Variants in NRN1 observed in about 807,000 individuals in gnomAD.
NRN1 encodes neuritin 1, also known as neuritin.
Under a neutral mutation model 15.0 loss-of-function variants are expected in NRN1, and 4 were observed. The ratio of observed to expected loss-of-function variants is 0.27; its 90% confidence interval spans 0.13 to 0.61. NRN1 has a LOEUF of 0.61. Ranked by LOEUF, NRN1 falls within the 20% of genes least tolerant of loss-of-function variation. The probability of loss-of-function intolerance (pLI) is 0.87; values close to 1 mark genes in which losing one functional copy is unlikely to be tolerated. For missense variants in NRN1, 134 were observed against 181.9 expected, an observed-to-expected ratio of 0.74 and a Z score of 1.51; for synonymous variants, 85 against 79.8, an observed-to-expected ratio of 1.07 and a Z score of -0.35.
At chr6:6,006,582 C>T (rs1358577651) in intron 1 of NRN1, 113 bp downstream of exon 1, 7 of 944,744 alleles carry the variant, frequency 7.4e-6, no homozygotes, top group Admixed American at 5.5e-5. Flanking sequence ...GGGGGATTGC[C>T]GGCTTCTCCG....
intron 2 of NRN1, 47 bp from the exon 3 acceptor site, chr6:5,999,251 G>A (rs777852344): frequency 2.0e-6 from 3 of 1,523,280 alleles, no homozygotes; most frequent in South Asian, 1.1e-5. Context: ...CACTTGGGAC[G>A]CCGGGAACAC....
At chr6:6,001,942 C>T (rs1401413196) in intron 2 of NRN1, among the ~76,000 whole-genome samples, 1 of 152,246 alleles carries the variant, frequency 6.6e-6, no homozygotes, top group South Asian at 2.1e-4. Flanking sequence ...GAACACCTGG[C>T]AGGTCACTCG....
upstream of NRN1, chr6:6,007,515 C>T (rs1302758096): frequency 4.6e-5 from 7 of 153,310 alleles, no homozygotes; most frequent in African/African-American, 1.4e-4. Context: ...AGCAGCTGAG[C>T]TCTGGGCGCA....
At chr6:6,006,198 GGGGGGAGGA>G (rs1349716094) in intron 1 of NRN1, among the ~76,000 whole-genome samples, 1 of 152,196 alleles carries the variant, frequency 6.6e-6, no homozygotes, top group African/African-American at 2.4e-5. Flanking sequence ...CTAGGATATA[GGGGGGAGGA>G]GGGGCGGGAG....
rs1213666232 is a variant in NRN1 at position 6,005,383 on chromosome 6, A to AT, written c.55+1311dup. Among the ~76,000 whole-genome samples the AT allele has an allele frequency of 1.3e-5, 2 of 152,308 alleles. 1 individual carries two copies. Among genetic ancestry groups the AT allele is most frequent in the African/African-American group, 4.8e-5 (2 of 41,572 alleles). On this transcript the variant is annotated intron_variant, in intron 1 of 2. Transcript: ENST00000244766. The stretch of plus-strand genomic sequence containing the variant: ...AAACAACCAGATTTAAAGCATTGTC[A>AT]TTTTTTGGAACTAAAGGAAAACACC...
chr6:6,002,914 T>C (rs1467559366), intron 1 of NRN1: 5 of 386,056 alleles, frequency 1.3e-5, no homozygotes, highest in East Asian at 7.8e-5. Context: ...GCTCTCGCAA[T>C]GCGATCTTCC....
intron 2 of NRN1, among the ~76,000 whole-genome samples, chr6:6,000,433 C>T (rs1161503773): frequency 6.6e-6 from 1 of 152,198 alleles, no homozygotes; most frequent in East Asian, 1.9e-4. Context: ...TCTGTAACTC[C>T]GGGCTGGTCC....
chr6:6,003,827 G>C, intron 1 of NRN1: 1 of 1,233,680 alleles, frequency 8.1e-7, no homozygotes, highest in Non-Finnish European at 1.0e-6. Flanking sequence ...GAAGCACAGC[G>C]TTAGGGCGGG....
At chr6:6,003,928 G>A in intron 1 of NRN1, 1 of 1,228,700 alleles carries the variant, frequency 8.1e-7, no homozygotes, top group South Asian at 4.3e-5. Context: ...TGGCGGCTGC[G>A]CTTGTGTGTG....
At chr6:6,002,585 G>C (rs1757983828) in intron 1 of NRN1, 88 bp from the exon 2 acceptor site, 2 of 1,523,014 alleles carry the variant, frequency 1.3e-6, no homozygotes, top group Non-Finnish European at 1.8e-6. Flanking sequence ...GGCTCCGCGC[G>C]GCCTCATCGC....
chr6:6,005,207 T>G (rs1758075832), intron 1 of NRN1, among the ~76,000 whole-genome samples: 1 of 152,168 alleles, frequency 6.6e-6, no homozygotes. Flanking sequence ...CGATTAAAAT[T>G]TCTATCTCAA....
In NRN1 at chr6:5,998,675, A is replaced by G. The variant is rs2151030293; in HGVS notation, c.*301T>C. ...TCTTTTGCCAACAAAAAAAATTAATAATAATAAAATTAAAAAATGGGGTGG... is the reference window on the plus strand; with the variant it reads ...TCTTTTGCCAACAAAAAAAATTAATGATAATAAAATTAAAAAATGGGGTGG... On this transcript the variant is annotated 3_prime_UTR_variant, in exon 3 of 3. Coordinates refer to ENST00000244766, the MANE Select transcript of NRN1 (RefSeq NM_016588.3). 4.2e-6 allele frequency: 1 copy of G among 235,626 alleles called. No homozygotes were observed. The highest frequency in any genetic ancestry group is 1.1e-4 in the South Asian group (1 of 8,902). The allele number at this position is 235,626 out of a possible 1,614,324, so 14.6% of individuals were successfully genotyped here.
rs1554145373 is a variant in NRN1, at chr6:6,000,748, T to TTTTTTTTTTTTTTA, written c.201-1545_201-1544insTAAAAAAAAAAAAA. ...TTTTTTTTTTTTTTTTTTTTTTTTT[T>TTTTTTTTTTTTTTA]ATGTACGCCCAGATGAGGGCAGAGT... On this transcript the variant is annotated intron_variant, in intron 2 of 2. Coordinates refer to ENST00000244766, the MANE Select transcript of NRN1 (RefSeq NM_016588.3). 7.3e-3 allele frequency among the ~76,000 whole-genome samples: 724 copies of TTTTTTTTTTTTTTA among 99,094 alleles called. 110 individuals are homozygous for TTTTTTTTTTTTTTA. Among genetic ancestry groups the TTTTTTTTTTTTTTA allele is most frequent in the Middle Eastern group, 0.021 (3 of 146 alleles). The allele number at this position is 99,094 out of a possible 152,430, so 65.0% of individuals were successfully genotyped here.
At chr6:6,002,707 T>A in intron 1 of NRN1, 1 of 666,880 alleles carries the variant, frequency 1.5e-6, no homozygotes, top group Non-Finnish European at 2.5e-6. Flanking sequence ...CTAGTGCAAA[T>A]TGTCGGTGTG....
chr6:6,007,060 G>C (rs113632906), upstream of NRN1: 5,269 of 363,320 alleles, frequency 0.015, 64 homozygotes, highest in Non-Finnish European at 0.019. Context: ...GGGATGACAC[G>C]GAATGATTTT....
chr6:6,004,904 C>T (rs1758066392), intron 1 of NRN1, among the ~76,000 whole-genome samples: 1 of 152,082 alleles, frequency 6.6e-6, no homozygotes, highest in Non-Finnish European at 1.5e-5. Context: ...GTTCACCACA[C>T]TCTTCTACCT....
intron 1 of NRN1, 86 bp from the exon 2 acceptor site, chr6:6,002,583 G>A: frequency 6.5e-7 from 1 of 1,529,674 alleles, no homozygotes; most frequent in South Asian, 1.2e-5. Flanking sequence ...CTGGCTCCGC[G>A]CGGCCTCATC....
At chr6:6,003,620 C>T in intron 1 of NRN1, 1 of 910,000 alleles carries the variant, frequency 1.1e-6, no homozygotes, top group Middle Eastern at 2.9e-4. Context: ...ACACAGGCCG[C>T]ACGAAGGTCC....
chr6:6,003,473 GTTC>G (rs1052194617), intron 1 of NRN1, among the ~76,000 whole-genome samples: 57 of 152,342 alleles, frequency 3.7e-4, no homozygotes, highest in African/African-American at 1.3e-3. Flanking sequence ...GGGAGAGGCT[GTTC>G]TTCTCCAGGT....
Sources: allele counts gnomAD v4.1 joint callset (sites outside exome capture counted in the v4.1 genomes callset), GRCh38; gene constraint gnomAD v4.1.1; transcripts MANE v1.5; gene names NCBI Gene and HGNC (gene_info 2026-07-23, HGNC 2026-07-21).